The following TSHZ3 variants were observed in gnomAD, a reference collection of about 807,000 sequenced individuals.
TSHZ3 encodes the protein teashirt zinc finger homeobox 3.
Under a neutral mutation model 64.5 loss-of-function variants are expected in TSHZ3, and 10 were observed. That is an observed-to-expected ratio of 0.16 (90% CI 0.10 to 0.26). The LOEUF (loss-of-function observed/expected upper bound fraction) is 0.26. Ranked by LOEUF, TSHZ3 falls within the 10% of genes least tolerant of loss-of-function variation. The pLI is 1.00. For missense variants in TSHZ3, 1,242 were observed against 1,421.7 expected, an observed-to-expected ratio of 0.87 and a Z score of 2.03; for synonymous variants, 608 against 593.1, an observed-to-expected ratio of 1.03 and a Z score of -0.36.
At chr19:31,200,448 C>T (rs967237630) in intron 5 of TSHZ3, among the ~76,000 whole-genome samples, 4 of 152,034 alleles carry the variant, frequency 2.6e-5, no homozygotes, top group Admixed American at 2.6e-4. Flanking sequence ...AACTTAAATG[C>T]ATATCATTAA....
chr19:31,304,851 C>A (rs1053253457), intron 1 of TSHZ3, among the ~76,000 whole-genome samples: 5 of 152,222 alleles, frequency 3.3e-5, no homozygotes, highest in Admixed American at 6.5e-5. Context: ...GCATCTTTAA[C>A]TGGAGCGCGA....
chr19:31,287,545 G>A (rs544823059), intron 1 of TSHZ3, among the ~76,000 whole-genome samples: 2 of 151,952 alleles, frequency 1.3e-5, no homozygotes, highest in African/African-American at 4.8e-5. Flanking sequence ...GTTTGAGAAG[G>A]GGTCAGAGAG....
chr19:31,223,117 C>A (rs1014561785), intron 4 of TSHZ3, among the ~76,000 whole-genome samples: 3 of 152,192 alleles, frequency 2.0e-5, no homozygotes, highest in African/African-American at 7.2e-5. Context: ...CCCTGTTTCT[C>A]TTGGACATCT....
intron 5 of TSHZ3, among the ~76,000 whole-genome samples, chr19:31,165,139 G>T (rs1974429551): frequency 6.6e-6 from 1 of 152,226 alleles, no homozygotes; most frequent in Non-Finnish European, 1.5e-5. Context: ...CCTGAGAACT[G>T]AAGTGCAGCC....
At position 31,234,007 on chromosome 19, in the gene TSHZ3, A is replaced by G. The variant is rs370932782; in HGVS notation, n.551-5867T>C. ...GAATCTATAAGTCAGTTTGGGTACA[A>G]AGAACATCTTAACACTATCTAGTCT... On this transcript the variant is annotated intron_variant and non_coding_transcript_variant, in intron 3 of 6. Coordinates refer to the TSHZ3 transcript ENST00000651361. 2.0e-5 allele frequency among the ~76,000 whole-genome samples: 3 copies of G among 151,706 alleles called. No individual in the cohort carries two copies. The East Asian group carries it at 5.8e-4, about 29-fold the overall frequency.
chr19:31,256,515 C>T (rs1407584417), intron 1 of TSHZ3, among the ~76,000 whole-genome samples: 3 of 152,152 alleles, frequency 2.0e-5, no homozygotes, highest in African/African-American at 7.2e-5. Context: ...GGGGGTATTC[C>T]CCAGGGCATA....
chr19:31,282,564 C>T (rs973459697), intron 1 of TSHZ3, among the ~76,000 whole-genome samples: 34 of 152,170 alleles, frequency 2.2e-4, no homozygotes, highest in African/African-American at 8.0e-4. Context: ...CCCACCCCCA[C>T]TGCACAAGCA....
chr19:31,214,365 C>A (rs1424876823), intron 4 of TSHZ3, among the ~76,000 whole-genome samples: 1 of 152,230 alleles, frequency 6.6e-6, no homozygotes, highest in Non-Finnish European at 1.5e-5. Flanking sequence ...CCAAGAGGAG[C>A]TAGCTTTGCT....
chr19:31,288,134 T>C (rs748574221), intron 1 of TSHZ3, among the ~76,000 whole-genome samples: 4 of 151,542 alleles, frequency 2.6e-5, no homozygotes, highest in Non-Finnish European at 5.9e-5. Flanking sequence ...TGTTAATCCT[T>C]TTTTTTATTT....
At chr19:31,235,995 C>G (rs566100402) in intron 3 of TSHZ3, among the ~76,000 whole-genome samples, 2 of 152,208 alleles carry the variant, frequency 1.3e-5, no homozygotes, top group African/African-American at 2.4e-5. Flanking sequence ...AGCTACCGTG[C>G]CCAGCCACGT....
chr19:31,236,434 T>A (rs114154640), intron 3 of TSHZ3, among the ~76,000 whole-genome samples: 2,601 of 152,308 alleles, frequency 0.017, 75 homozygotes, highest in African/African-American at 0.06. Flanking sequence ...CCTTTGTATG[T>A]CTTCTTTGGA....
intron 1 of TSHZ3, among the ~76,000 whole-genome samples, chr19:31,268,747 T>A (rs898088780): frequency 6.6e-6 from 1 of 152,098 alleles, no homozygotes; most frequent in Non-Finnish European, 1.5e-5. Context: ...CTCTGCTTTC[T>A]TGGGTTGCCA....
intron 4 of TSHZ3, among the ~76,000 whole-genome samples, chr19:31,211,824 G>A (rs1975262204): frequency 6.6e-6 from 1 of 152,126 alleles, no homozygotes; most frequent in East Asian, 1.9e-4. Context: ...AGGACCCTGA[G>A]CACTGGAAGA....
At chr19:31,285,452 C>G (rs1255520167) in intron 1 of TSHZ3, among the ~76,000 whole-genome samples, 2 of 148,202 alleles carry the variant, frequency 1.3e-5, no homozygotes, top group Non-Finnish European at 3.0e-5. Flanking sequence ...TGCACTAAAG[C>G]CTGGGTGACA....
chr19:31,196,393 G>T (rs556558013), intron 5 of TSHZ3, among the ~76,000 whole-genome samples: 60 of 151,984 alleles, frequency 3.9e-4, no homozygotes, highest in Non-Finnish European at 7.8e-4. Context: ...GGCATAAAAA[G>T]ACTGGGAGAT....
chr19:31,235,650 CT>C (rs1419653997), intron 3 of TSHZ3, among the ~76,000 whole-genome samples: 5 of 65,214 alleles, frequency 7.7e-5, no homozygotes, highest in Non-Finnish European at 1.2e-4. Context: ...TTCTTTCTTT[CT>C]ATTTCTTTCT....
chr19:31,278,564 T>G lies in TSHZ3; in HGVS notation c.1229A>C (p.His410Pro). ...ELTAHMMVTG[H>P]FIKVTNSAMK... is the part of the protein sequence containing the mutation. Reference sequence around the variant, plus strand: ...AGCAGAGTTGGTGACCTTGATGAAGTGGCCAGTGACCATCATGTGGGCAGT... The same window carrying G: ...AGCAGAGTTGGTGACCTTGATGAAGGGGCCAGTGACCATCATGTGGGCAGT... The change falls in exon 2 of 2, where the codon CAC becomes CCC. Residue 410 changes from histidine (H) to proline (P), a missense_variant. By Grantham distance (77) the His-to-Pro change is moderately conservative. This residue lies in a region of TSHZ3 where 555 missense variants were observed against 704.0 expected (regional missense o/e 0.79). Coordinates refer to ENST00000240587, the MANE Select transcript of TSHZ3 (RefSeq NM_020856.4). This position sits in a 1 kb window ranked among gnomAD's most constrained non-coding sequence, Gnocchi z 4.7. 1 of 1,614,156 alleles carries G rather than the reference T, an allele frequency of 6.2e-7. No homozygotes were observed. The highest frequency in any genetic ancestry group is 1.1e-5 in the South Asian group (1 of 91,080).
chr19:31,173,223 T>C (rs1410415370), intron 5 of TSHZ3, among the ~76,000 whole-genome samples: 6 of 152,174 alleles, frequency 3.9e-5, no homozygotes, highest in African/African-American at 1.4e-4. Context: ...GGAAATATTC[T>C]AAAGGCAATC....
In TSHZ3 at chr19:31,276,759, C is replaced by T. The variant is rs376270774; in HGVS notation, c.3034G>A (p.Glu1012Lys). 4.3e-5 allele frequency: 69 copies of T among 1,613,732 alleles called. No individual in the cohort carries two copies. The highest frequency in any genetic ancestry group is 2.7e-4 in the South Asian group (25 of 91,060). ...RLRDLSKLST[E>K]QINSQIAQTK... ...TGTGCTATCTGACTGTTAATCTGTT[C>T]GGTGGACAGTTTGGATAAGTCCCGT... The change falls in exon 2 of 2, where the codon GAA becomes AAA. Residue 1012 changes from glutamate to lysine, a missense_variant. Around this residue, in one of 4 missense-constraint regions of TSHZ3, gnomAD observed 126 missense variants for 140.6 expected, o/e 0.90. Transcript: ENST00000240587.
Sources: allele counts gnomAD v4.1 joint callset (sites outside exome capture counted in the v4.1 genomes callset), GRCh38; gene constraint gnomAD v4.1.1; regional missense constraint gnomAD v4.1.1; non-coding constraint Gnocchi (gnomAD v3.1); transcripts MANE v1.5; gene names NCBI Gene and HGNC (gene_info 2026-07-23, HGNC 2026-07-21).